Variants in PDZRN4 observed in about 807,000 individuals in gnomAD.
The protein encoded by PDZRN4 is PDZ domain containing ring finger 4.
A neutral mutation model predicts 99.0 loss-of-function variants in PDZRN4; 70 were observed. The ratio of observed to expected loss-of-function variants is 0.71; its 90% CI spans 0.58 to 0.86. The LOEUF (loss-of-function observed/expected upper bound fraction) is 0.86. Ranked by LOEUF, PDZRN4 falls within the 40% of genes least tolerant of loss-of-function variation. The probability of loss-of-function intolerance (pLI) is 0.00; values close to 1 mark genes in which losing one functional copy is unlikely to be tolerated. For missense variants in PDZRN4, 1,474 were observed against 1,331.2 expected, an observed-to-expected ratio of 1.11 and a Z score of -1.67; for synonymous variants, 551 against 501.6, an observed-to-expected ratio of 1.10 and a Z score of -1.32.
chr12:41,495,587 A>G (rs1029587139), intron 3 of PDZRN4, among the ~76,000 whole-genome samples: 13 of 151,996 alleles, frequency 8.6e-5, no homozygotes, highest in African/African-American at 3.1e-4. Context: ...AATTTCCTAA[A>G]TGGTTTCCCT....
intron 3 of PDZRN4, among the ~76,000 whole-genome samples, chr12:41,215,920 T>C (rs1005093203): frequency 1.3e-5 from 2 of 151,906 alleles, no homozygotes; most frequent in Non-Finnish European, 2.9e-5. Flanking sequence ...GAGGATTTAG[T>C]TAGGTAATTT....
intron 3 of PDZRN4, among the ~76,000 whole-genome samples, chr12:41,288,466 T>C (rs1591998729): frequency 6.6e-6 from 1 of 152,178 alleles, no homozygotes; most frequent in South Asian, 2.1e-4. Context: ...CTCCTGTTGT[T>C]TTATTGCCTG....
intron 3 of PDZRN4, among the ~76,000 whole-genome samples, chr12:41,321,162 G>A (rs1309370478): frequency 2.0e-5 from 3 of 152,024 alleles, no homozygotes; most frequent in South Asian, 2.1e-4. Context: ...TAAAAATAAG[G>A]TGTCTGCTGT....
intron 3 of PDZRN4, among the ~76,000 whole-genome samples, chr12:41,402,105 T>C (rs1256022592): frequency 2.1e-4 from 22 of 106,412 alleles, no homozygotes; most frequent in East Asian, 5.1e-4. Flanking sequence ...TATATATATA[T>C]ACACACTGAG....
At chr12:41,502,796 G>A (rs983485980) in intron 3 of PDZRN4, among the ~76,000 whole-genome samples, 13 of 152,034 alleles carry the variant, frequency 8.6e-5, no homozygotes, top group African/African-American at 2.9e-4. Flanking sequence ...AAGGTGGGAT[G>A]GAGGGACAGA....
intron 3 of PDZRN4, among the ~76,000 whole-genome samples, chr12:41,352,686 G>A (rs934510016): frequency 6.6e-6 from 1 of 152,170 alleles, no homozygotes; most frequent in Non-Finnish European, 1.5e-5. Flanking sequence ...GAAAGTACGT[G>A]GAGGTGGGTG....
intron 3 of PDZRN4, among the ~76,000 whole-genome samples, chr12:41,208,187 A>G (rs1408858446): frequency 6.6e-6 from 1 of 151,860 alleles, no homozygotes; most frequent in Non-Finnish European, 1.5e-5. Context: ...AGGATTCATA[A>G]TCTATTGGAA....
intron 5 of PDZRN4, among the ~76,000 whole-genome samples, chr12:41,513,190 T>A (rs116650899): frequency 6.6e-6 from 1 of 152,102 alleles, no homozygotes; most frequent in African/African-American, 2.4e-5. Context: ...ATTATTTCAC[T>A]GATGGACTGT....
At chr12:41,365,900 C>G (rs751716186) in intron 3 of PDZRN4, among the ~76,000 whole-genome samples, 12 of 152,122 alleles carry the variant, frequency 7.9e-5, no homozygotes, top group Non-Finnish European at 1.5e-4. Flanking sequence ...GGCCTTTGCT[C>G]TCTGCCAGTT....
At chr12:41,285,628 G>A (rs1452375826) in intron 3 of PDZRN4, among the ~76,000 whole-genome samples, 1 of 152,126 alleles carries the variant, frequency 6.6e-6, no homozygotes, top group African/African-American at 2.4e-5. Flanking sequence ...CGTTAGACTG[G>A]ACAAAGAAAA....
intron 3 of PDZRN4, among the ~76,000 whole-genome samples, chr12:41,467,537 C>A (rs1952939594): frequency 1.3e-5 from 2 of 152,114 alleles, no homozygotes; most frequent in Admixed American, 1.3e-4. Context: ...GAGGGAATTT[C>A]TGGGTTCTAT....
At chr12:41,197,045 A>G (rs920746713) in intron 3 of PDZRN4, among the ~76,000 whole-genome samples, 1 of 151,992 alleles carries the variant, frequency 6.6e-6, no homozygotes, top group Non-Finnish European at 1.5e-5. Context: ...TTACTGATAT[A>G]TAACTGAAAT....
chr12:41,332,743 T>G (rs61926688), intron 3 of PDZRN4, among the ~76,000 whole-genome samples: 1 of 18,766 alleles, frequency 5.3e-5, no homozygotes, highest in Non-Finnish European at 1.3e-4. Flanking sequence ...AAGAGGAGGA[T>G]TAAAAAAAAA....
intron 3 of PDZRN4, among the ~76,000 whole-genome samples, chr12:41,469,220 G>A (rs1213959001): frequency 2.6e-5 from 4 of 151,988 alleles, no homozygotes; most frequent in South Asian, 2.1e-4. Context: ...TTGAATAGCC[G>A]GCTGAAGATT....
At position 41,422,454 on chromosome 12, in the gene PDZRN4, C is replaced by T. The variant is rs543229200; in HGVS notation, c.844-84002C>T. 3.0e-4 allele frequency among the ~76,000 whole-genome samples: 46 copies of T among 152,240 alleles called. No individual in the cohort carries two copies. In the South Asian group the frequency reaches 9.5e-3, roughly 32 times the overall value. On this transcript the variant is annotated intron_variant, in intron 3 of 9. Transcript: ENST00000402685. ...CCATTTTCACACTGCTATAAAGATA[C>T]TCCCTGAGACTGGGTAATTTATGAA...
chr12:41,270,637 A>G (rs1203007099), intron 3 of PDZRN4, among the ~76,000 whole-genome samples: 2 of 152,162 alleles, frequency 1.3e-5, no homozygotes, highest in Admixed American at 1.3e-4. Flanking sequence ...ATTTTAAACT[A>G]ACTGATTAAT....
At chr12:41,204,450 A>G (rs1319278475) in intron 3 of PDZRN4, among the ~76,000 whole-genome samples, 1 of 152,008 alleles carries the variant, frequency 6.6e-6, no homozygotes, top group African/African-American at 2.4e-5. Flanking sequence ...GGGTGTTGGA[A>G]GTACTAGGCC....
chr12:41,489,975 T>C (rs141939622), intron 3 of PDZRN4, among the ~76,000 whole-genome samples: 1 of 152,008 alleles, frequency 6.6e-6, no homozygotes. Context: ...ATTTCCTATA[T>C]ACTGTACAGT....
intron 3 of PDZRN4, among the ~76,000 whole-genome samples, chr12:41,386,086 G>T (rs532508599): frequency 5.3e-5 from 8 of 152,252 alleles, no homozygotes; most frequent in East Asian, 3.9e-4. Flanking sequence ...CTCAATAGGT[G>T]CAGAAAAGTC....
Sources: allele counts gnomAD v4.1 joint callset (sites outside exome capture counted in the v4.1 genomes callset), GRCh38; gene constraint gnomAD v4.1.1; transcripts MANE v1.5; gene names NCBI Gene and HGNC (gene_info 2026-07-23, HGNC 2026-07-21).